Variants in CMPK1 observed in about 807,000 individuals in gnomAD.
The protein encoded by CMPK1 is cytidine/uridine monophosphate kinase 1.
Under a neutral mutation model 25.7 loss-of-function variants are expected in CMPK1, and 10 were observed. That is an observed-to-expected ratio of 0.39 (90% CI 0.24 to 0.66). CMPK1 has a LOEUF of 0.66. Among genes scored for constraint, CMPK1 ranks in the 30% least tolerant of loss-of-function variants. The pLI is 0.48. For missense variants in CMPK1, 199 were observed against 280.5 expected (o/e 0.71, Z 2.08); for synonymous variants, 106 against 101.5 (o/e 1.04, Z -0.27).
chr1:47,350,905 C>CAA lies in CMPK1; in HGVS notation c.171+16801_171+16802dup, dbSNP rs36038736. Among the ~76,000 whole-genome samples the CAA allele has an allele frequency of 7.1e-5, 9 of 126,452 alleles. No individual in the cohort carries two copies. In the East Asian group the frequency reaches 1.3e-3, roughly 19 times the overall value. 83.0% of individuals were successfully genotyped at this position (126,452 alleles called of 152,430 possible). ...CCTGGGCGACAAAGTGAGACTGTCT[C>CAA]AAAAAAAAAAAAAGAAAAGAAAAAT... On this transcript the variant is annotated intron_variant, in intron 1 of 5. Transcript: ENST00000371873.
chr1:47,372,949 C>G lies in CMPK1; in HGVS notation c.319-6C>G. 1 of 1,598,628 alleles carries G rather than the reference C, an allele frequency of 6.3e-7. No homozygotes were observed. Among genetic ancestry groups the G allele is most frequent in the African/African-American group, 1.4e-5 (1 of 74,068 alleles). Reference sequence around the variant, plus strand: ...GTATTGAACCTAAATCTTCTTTTTCCTTTAGGAAATGGATCAGACAATGGC... The same window carrying G: ...GTATTGAACCTAAATCTTCTTTTTCGTTTAGGAAATGGATCAGACAATGGC... On this transcript the variant is annotated splice_region_variant and splice_polypyrimidine_tract_variant and intron_variant, in intron 2 of 5. Coordinates refer to ENST00000371873, the MANE Select transcript of CMPK1 (RefSeq NM_016308.3).
At chr1:47,348,264 T>A (rs1646499020) in intron 1 of CMPK1, among the ~76,000 whole-genome samples, 1 of 152,154 alleles carries the variant, frequency 6.6e-6, no homozygotes, top group South Asian at 2.1e-4. Flanking sequence ...TGTCTTATTT[T>A]TTTGTTTCAT....
chr1:47,343,956 T>A (rs1646463877), intron 1 of CMPK1, among the ~76,000 whole-genome samples: 1 of 151,764 alleles, frequency 6.6e-6, no homozygotes, highest in African/African-American at 2.4e-5. Context: ...TGGTCCCAGT[T>A]ACTTGAGAGG....
intron 1 of CMPK1, among the ~76,000 whole-genome samples, chr1:47,368,135 G>A (rs1646652143): frequency 6.6e-6 from 1 of 151,946 alleles, no homozygotes; most frequent in Non-Finnish European, 1.5e-5. Context: ...TTTTTAGAGA[G>A]ATGGGGTTTC....
At chr1:47,361,670 C>T (rs762543145) in intron 1 of CMPK1, among the ~76,000 whole-genome samples, 1 of 150,378 alleles carries the variant, frequency 6.6e-6, no homozygotes, top group Non-Finnish European at 1.5e-5. Flanking sequence ...GCCATGTCAG[C>T]CAGGCCCTGA....
At chr1:47,335,623 T>G (rs1472055389) in intron 1 of CMPK1, among the ~76,000 whole-genome samples, 12 of 98,278 alleles carry the variant, frequency 1.2e-4, no homozygotes, top group Non-Finnish European at 1.7e-4. Flanking sequence ...GGCGAAAGAG[T>G]GAAACTCCGT....
intron 1 of CMPK1, among the ~76,000 whole-genome samples, chr1:47,363,318 G>A (rs940919388): frequency 1.3e-5 from 2 of 152,112 alleles, no homozygotes; most frequent in African/African-American, 2.4e-5. Flanking sequence ...GTCTGTAACT[G>A]GTAAAAGTAC....
chr1:47,355,437 C>T (rs368183190), intron 1 of CMPK1, among the ~76,000 whole-genome samples: 1 of 150,384 alleles, frequency 6.6e-6, no homozygotes, highest in Non-Finnish European at 1.5e-5. Context: ...GCCTCAGCCT[C>T]CCAAGCAGCT....
At chr1:47,363,868 G>A (rs1445301811) in intron 1 of CMPK1, among the ~76,000 whole-genome samples, 1 of 151,600 alleles carries the variant, frequency 6.6e-6, no homozygotes, top group African/African-American at 2.4e-5. Context: ...GCTTGAACCT[G>A]GGAGGCAGAG....
In CMPK1 at chr1:47,333,864, C is replaced by G; in HGVS notation, c.-82C>G. 9.7e-7 allele frequency: 1 copy of G among 1,026,054 alleles called. No individual in the cohort carries two copies. Among genetic ancestry groups the G allele is most frequent in the Non-Finnish European group, 1.2e-6 (1 of 838,548 alleles). 63.6% of individuals were successfully genotyped at this position (1,026,054 alleles called of 1,614,324 possible). ...CGGCGGGCGCCGGCTCAGCCCGCCC[C>G]TTTCTCCCGCCGCCTCCCCGCCCCG... On this transcript the variant is annotated 5_prime_UTR_variant, in exon 1 of 6. Transcript: ENST00000371873.
chr1:47,367,158 A>T (rs1570376924), intron 1 of CMPK1, among the ~76,000 whole-genome samples: 1 of 152,190 alleles, frequency 6.6e-6, no homozygotes, highest in African/African-American at 2.4e-5. Context: ...AGCATGATCT[A>T]CCTTGCCCAG....
Position 47,373,022 on chromosome 1 carries a change from A to G in CMPK1, c.386A>G (p.Asn129Ser), listed in dbSNP as rs1054097379. 1 of 1,613,678 alleles carries G rather than the reference A, an allele frequency of 6.2e-7. No homozygotes were observed. Among genetic ancestry groups the G allele is most frequent in the Admixed American group, 1.7e-5 (1 of 59,966 alleles). ...TTCTTGATTGATGGGTTTCCAAGAA[A>G]TCAAGACAACCTTCAAGGATGGAAC... is the stretch of plus-strand genomic sequence containing the variant. ...NKFLIDGFPR[N>S]QDNLQGWNKT... The change falls in exon 3 of 6, where the codon AAT (asparagine) becomes AGT (serine). Residue 129 changes from asparagine to serine, a missense_variant. By Grantham distance (46) the Asn-to-Ser change is conservative. This residue lies in a region of CMPK1 where 140 missense variants were observed against 235.5 expected (regional missense o/e 0.59). Transcript: ENST00000371873.
intron 1 of CMPK1, among the ~76,000 whole-genome samples, chr1:47,344,393 G>A (rs1339128487): frequency 6.6e-6 from 1 of 151,874 alleles, no homozygotes; most frequent in Non-Finnish European, 1.5e-5. Context: ...AGTGTGAGAG[G>A]GTAAACCGAC....
chr1:47,352,393 T>C (rs1396014303), intron 1 of CMPK1, among the ~76,000 whole-genome samples: 1 of 152,100 alleles, frequency 6.6e-6, no homozygotes, highest in African/African-American at 2.4e-5. Flanking sequence ...TTGCCTATGG[T>C]GCAGAGATTA....
At chr1:47,341,844 C>A (rs6659946) in intron 1 of CMPK1, among the ~76,000 whole-genome samples, 88,761 of 151,454 alleles carry the variant, frequency 0.59, 28,125 homozygotes, top group African/African-American at 0.84. Flanking sequence ...GATGGTCTCG[C>A]TCTCCTGACC....
intron 5 of CMPK1, 138 bp from the exon 6 acceptor site, chr1:47,376,566 T>C (rs570037932): frequency 1.1e-4 from 51 of 475,440 alleles, no homozygotes; most frequent in African/African-American, 9.7e-4. Flanking sequence ...TCTGCCCGCC[T>C]CGACCTCCCA....
chr1:47,376,657 T>G, intron 5 of CMPK1, 47 bp from the exon 6 acceptor site: 2 of 1,288,370 alleles, frequency 1.6e-6, no homozygotes, highest in Non-Finnish European at 2.2e-6. Flanking sequence ...GTATGGTATT[T>G]TAACAGTACC....
Position 47,350,095 on chromosome 1 carries a change from C to G in CMPK1, c.171+15979C>G, listed in dbSNP as rs559052155. On this transcript the variant is annotated intron_variant, in intron 1 of 5. Coordinates refer to ENST00000371873, the MANE Select transcript of CMPK1 (RefSeq NM_016308.3). ...TGCTGGGATTATAGGCATGAGCCAT[C>G]TTGCTCAGCCTTATTATTATTTATA... Among the ~76,000 whole-genome samples the G allele has an allele frequency of 2.0e-5, 3 of 152,172 alleles. No individual in the cohort carries two copies. The East Asian group carries it at 5.8e-4, about 29-fold the overall frequency.
chr1:47,363,630 T>A lies in CMPK1; in HGVS notation c.172-4839T>A, dbSNP rs530655630. Among the ~76,000 whole-genome samples, 27 of 149,892 alleles carry A rather than the reference T, an allele frequency of 1.8e-4. No homozygotes were observed. In the East Asian group the frequency reaches 2.3e-3, roughly 13 times the overall value. On this transcript the variant is annotated intron_variant, in intron 1 of 5. Transcript: ENST00000371873. Reference sequence around the variant, plus strand: ...TCCAGCCTGGGCAACAGAGTGAGACTCCGCCTCAAAAACAAATAAACAAAC... The same window carrying A: ...TCCAGCCTGGGCAACAGAGTGAGACACCGCCTCAAAAACAAATAAACAAAC...
Sources: allele counts gnomAD v4.1 joint callset (sites outside exome capture counted in the v4.1 genomes callset), GRCh38; gene constraint gnomAD v4.1.1; regional missense constraint gnomAD v4.1.1; transcripts MANE v1.5; gene names NCBI Gene and HGNC (gene_info 2026-07-23, HGNC 2026-07-21).